The following FLRT2 variants were observed in gnomAD, a reference collection of about 807,000 sequenced individuals.
FLRT2 encodes leucine-rich repeat transmembrane protein FLRT2.
A neutral mutation model predicts 40.0 loss-of-function variants in FLRT2; 15 were observed. The observed-to-expected ratio is 0.38, with a 90% CI of 0.25 to 0.58. The LOEUF (loss-of-function observed/expected upper bound fraction) is 0.58. Among genes scored for constraint, FLRT2 ranks in the 20% least tolerant of loss-of-function variants. The pLI, the probability that FLRT2 is intolerant of heterozygous loss-of-function variation, is 0.71. For missense variants in FLRT2, 726 were observed against 840.0 expected (o/e 0.86, Z 1.68); for synonymous variants, 380 against 336.8 (o/e 1.13, Z -1.41).
At chr14:85,619,655 A>C (rs1464518305) in intron 1 of FLRT2, among the ~76,000 whole-genome samples, 1 of 152,170 alleles carries the variant, frequency 6.6e-6, no homozygotes, top group Non-Finnish European at 1.5e-5. Context: ...AATTTCAAAT[A>C]GTTCCTCTAT....
intron 1 of FLRT2, among the ~76,000 whole-genome samples, chr14:85,554,066 G>C (rs192948086): frequency 4.6e-5 from 7 of 152,204 alleles, no homozygotes; most frequent in Admixed American, 4.6e-4. Flanking sequence ...TTCTCATTTG[G>C]AAGAAAGGGG....
chr14:85,605,430 A>G (rs1892561789), intron 1 of FLRT2, among the ~76,000 whole-genome samples: 1 of 152,206 alleles, frequency 6.6e-6, no homozygotes, highest in Non-Finnish European at 1.5e-5. Flanking sequence ...ATCAGACATA[A>G]TTGGGACAGT....
intron 1 of FLRT2, among the ~76,000 whole-genome samples, chr14:85,610,965 G>A (rs1209667716): frequency 6.6e-6 from 1 of 151,918 alleles, no homozygotes; most frequent in Non-Finnish European, 1.5e-5. Flanking sequence ...GTGCAATCTC[G>A]GCTCACTGCA....
Position 85,650,556 on chromosome 14 carries a change from T to A in FLRT2, c.*27059T>A, listed in dbSNP as rs1489954139. ...ACTTTACTAAATACTGTAAAATTGT[T>A]CTCTGTGTGCCAATTTTCTTTACCA... On this transcript the variant is annotated 3_prime_UTR_variant, in exon 2 of 2. Transcript: ENST00000330753. 6.6e-6 allele frequency: 1 copy of A among 152,028 alleles called. No individual in the cohort carries two copies. The highest frequency in any genetic ancestry group is 6.6e-5 in the Admixed American group (1 of 15,236). The allele number at this position is 152,028 out of a possible 1,614,324, so 9.4% of individuals were successfully genotyped here.
chr14:85,571,284 C>T, intron 1 of FLRT2, among the ~76,000 whole-genome samples: 1 of 152,038 alleles, frequency 6.6e-6, no homozygotes, highest in East Asian at 1.9e-4. Flanking sequence ...TAGAAATTAT[C>T]ACCTTATATA....
In FLRT2 at chr14:85,621,770, A is replaced by C; in HGVS notation, c.256A>C (p.Asn86His). 6.2e-7 allele frequency: 1 copy of C among 1,614,214 alleles called. No homozygotes were observed. Among genetic ancestry groups the C allele is most frequent in the Non-Finnish European group, 8.5e-7 (1 of 1,180,042 alleles). The change falls in exon 2 of 2, where the codon AAT (asparagine) becomes CAT (histidine). Residue 86 changes from asparagine to histidine, a missense_variant. Physicochemically the swap from Asn to His is moderately conservative, Grantham distance 68. Transcript: ENST00000330753. ...TGCTGGATTTCCTGCAGAACTGCAC[A>C]ATGTACAGTCGGTGCACACGGTCTA... ...NNAGFPAELH[N>H]VQSVHTVYLY...
At chr14:85,595,656 G>T (rs1369287945) in intron 1 of FLRT2, among the ~76,000 whole-genome samples, 2 of 152,134 alleles carry the variant, frequency 1.3e-5, no homozygotes, top group African/African-American at 4.8e-5. Flanking sequence ...TTAATGTCCT[G>T]CTTTTATCCA....
rs1173780953 is a variant in FLRT2, at chr14:85,645,144, G to GTA, written c.*21656_*21657dup. On this transcript the variant is annotated 3_prime_UTR_variant, in exon 2 of 2. Transcript: ENST00000330753. ...GCAGAACTCCTACATCAAGTAAAAA[G>GTA]TATATATATACACACATATGTGTGT... 1 of 135,188 alleles carries GTA rather than the reference G, an allele frequency of 7.4e-6. No homozygotes were observed. Among genetic ancestry groups the GTA allele is most frequent in the African/African-American group, 2.5e-5 (1 of 39,248 alleles). The allele number at this position is 135,188 out of a possible 1,614,324, so 8.4% of individuals were successfully genotyped here. A position where few individuals can be genotyped will look rare whatever the true frequency, so the allele number is the denominator to read the frequency against.
Position 85,623,632 on chromosome 14 carries a change from T to TTA in FLRT2, c.*138_*139dup. 1.5e-6 allele frequency: 1 copy of TTA among 645,804 alleles called. No individual in the cohort carries two copies. The highest frequency in any genetic ancestry group is 2.4e-6 in the Non-Finnish European group (1 of 410,818). The allele number at this position is 645,804 out of a possible 1,614,324, so 40.0% of individuals were successfully genotyped here. A position where few individuals can be genotyped will look rare whatever the true frequency, so the allele number is the denominator to read the frequency against. On this transcript the variant is annotated 3_prime_UTR_variant, in exon 2 of 2. Coordinates refer to ENST00000330753, the MANE Select transcript of FLRT2 (RefSeq NM_013231.6). Reference sequence around the variant, plus strand: ...TTTGTGCATTTGAATACTCTGTAATTTATACGGTGTACTATATAATGGGAT... The same window carrying TTA: ...TTTGTGCATTTGAATACTCTGTAATTTATATACGGTGTACTATATAATGGGAT...
At chr14:85,612,753 C>A (rs1892945348) in intron 1 of FLRT2, among the ~76,000 whole-genome samples, 1 of 152,094 alleles carries the variant, frequency 6.6e-6, no homozygotes. Context: ...AAATTTTATA[C>A]CATTTACATT....
chr14:85,598,249 G>A (rs75963958), intron 1 of FLRT2, among the ~76,000 whole-genome samples: 3,493 of 152,244 alleles, frequency 0.023, 140 homozygotes, highest in African/African-American at 0.08. Flanking sequence ...GTTGTTACAC[G>A]ATTTGCTGCA....
intron 1 of FLRT2, among the ~76,000 whole-genome samples, chr14:85,569,782 C>G (rs7145376): frequency 0.23 from 34,920 of 152,012 alleles, 5,024 homozygotes; most frequent in African/African-American, 0.4. Flanking sequence ...GTTATTAAAG[C>G]ATTTTCTTTT....
Position 85,638,840 on chromosome 14 carries a change from T to A in FLRT2, c.*15343T>A, listed in dbSNP as rs1398061503. On this transcript the variant is annotated 3_prime_UTR_variant, in exon 2 of 2. Transcript: ENST00000330753. ...CTATTTTGATCAACCAGTACTGAACTTTTCCCCTTCTCTTATGATTGTCAA... is the reference window on the plus strand; with the variant it reads ...CTATTTTGATCAACCAGTACTGAACATTTCCCCTTCTCTTATGATTGTCAA... 4.6e-5 allele frequency: 7 copies of A among 152,178 alleles called. No homozygotes were observed. The highest frequency in any genetic ancestry group is 1.9e-4 in the East Asian group (1 of 5,186). 9.4% of individuals were successfully genotyped at this position (152,178 alleles called of 1,614,324 possible). A position where few individuals can be genotyped will look rare whatever the true frequency, so the allele number is the denominator to read the frequency against.
At chr14:85,556,960 G>A (rs1890001763) in intron 1 of FLRT2, among the ~76,000 whole-genome samples, 1 of 152,176 alleles carries the variant, frequency 6.6e-6, no homozygotes, top group Non-Finnish European at 1.5e-5. Context: ...TTACATGGCA[G>A]CGGCAAGAGA....
intron 1 of FLRT2, among the ~76,000 whole-genome samples, chr14:85,569,484 A>G (rs534069764): frequency 2.0e-5 from 3 of 152,314 alleles, no homozygotes; most frequent in South Asian, 4.1e-4. Context: ...CAACTCATGC[A>G]GCAAACACCA....
At chr14:85,606,727 G>A (rs1478251858) in intron 1 of FLRT2, among the ~76,000 whole-genome samples, 3 of 150,874 alleles carry the variant, frequency 2.0e-5, no homozygotes, top group Non-Finnish European at 2.9e-5. Context: ...GTTTCACCAT[G>A]TTGGTCAGGA....
At chr14:85,558,722 G>T (rs1303061881) in intron 1 of FLRT2, among the ~76,000 whole-genome samples, 1 of 152,142 alleles carries the variant, frequency 6.6e-6, no homozygotes, top group Non-Finnish European at 1.5e-5. Flanking sequence ...GCAGCATTGA[G>T]GTATTTACTC....
At chr14:85,594,256 TTA>T (rs1252592129) in intron 1 of FLRT2, among the ~76,000 whole-genome samples, 2 of 152,202 alleles carry the variant, frequency 1.3e-5, no homozygotes, top group Admixed American at 1.3e-4. Flanking sequence ...TGCTTAAATA[TTA>T]AACACTCTCA....
intron 1 of FLRT2, among the ~76,000 whole-genome samples, chr14:85,572,589 G>A (rs760138817): frequency 2.4e-4 from 36 of 152,054 alleles, no homozygotes; most frequent in Non-Finnish European, 4.7e-4. Flanking sequence ...AGTAGGCCTC[G>A]CTATTCTTTT....
Sources: gnomAD v4.1 joint callset for allele counts (sites outside exome capture counted in the v4.1 genomes callset) on GRCh38, gnomAD v4.1.1 for gene constraint, MANE v1.5 for transcripts, NCBI Gene and HGNC (gene_info 2026-07-23, HGNC 2026-07-21) for gene names.